The following CCDC66 variants were observed in gnomAD, a reference collection of about 807,000 sequenced individuals.
The protein encoded by CCDC66 is coiled-coil domain-containing protein 66.
Under a neutral mutation model 128.3 loss-of-function variants are expected in CCDC66, and 133 were observed. The observed-to-expected ratio is 1.04, with a 90% CI of 0.90 to 1.20. CCDC66 has a LOEUF of 1.20. Ranked by LOEUF, CCDC66 falls within the 50% of genes most tolerant of loss-of-function variation. The pLI is 0.00. For missense variants in CCDC66, 1,126 were observed against 1,075.5 expected (o/e 1.05, Z -0.66); for synonymous variants, 387 against 357.0 (o/e 1.08, Z -0.95).
chr3:56,557,394 G>C (rs74432117), intron 1 of CCDC66, 141 bp downstream of exon 1: 74,593 of 1,149,348 alleles, frequency 0.065, 3,124 homozygotes, highest in South Asian at 0.17. Context: ...GCAGAGCCCA[G>C]TTCTCGGGTA....
chr3:56,572,587 T>G, intron 7 of CCDC66: 1 of 247,920 alleles, frequency 4.0e-6, no homozygotes, highest in African/African-American at 2.3e-5. Context: ...CCTTCCTCCT[T>G]GTGAACATTT....
Position 56,615,204 on chromosome 3 carries a change from A to C in CCDC66, c.1643A>C (p.Gln548Pro). 4 of 1,614,190 alleles carry C rather than the reference A, an allele frequency of 2.5e-6. No homozygotes were observed. Among genetic ancestry groups the C allele is most frequent in the Non-Finnish European group, 3.4e-6 (4 of 1,180,006 alleles). The change falls in exon 12 of 18, where the codon CAA becomes CCA. Residue 548 changes from glutamine (Q) to proline (P), a missense_variant. Coordinates refer to ENST00000394672, the MANE Select transcript of CCDC66 (RefSeq NM_001141947.3). ...RAQELAQRLK[Q>P]EQRIRELAQK... Reference sequence around the variant, plus strand: ...CAGGAACTGGCACAGAGACTAAAACAAGAACAAAGAATCCGAGAATTGGCG... The same window carrying C: ...CAGGAACTGGCACAGAGACTAAAACCAGAACAAAGAATCCGAGAATTGGCG...
At chr3:56,586,153 G>A (rs1221381065) in intron 7 of CCDC66, among the ~76,000 whole-genome samples, 1 of 151,960 alleles carries the variant, frequency 6.6e-6, no homozygotes, top group African/African-American at 2.4e-5. Flanking sequence ...TGTGCAAAGT[G>A]TTTAGCTGTT....
intron 7 of CCDC66, chr3:56,572,258 T>G (rs2066736902): frequency 1.3e-6 from 1 of 798,354 alleles, no homozygotes; most frequent in Non-Finnish European, 1.8e-6. Flanking sequence ...CTTTTGTGAT[T>G]TTTAAATTTT....
chr3:56,570,184 C>G (rs935851568), intron 6 of CCDC66: 3 of 152,050 alleles, frequency 2.0e-5, no homozygotes, highest in Non-Finnish European at 4.4e-5. Flanking sequence ...TTTAACTTGT[C>G]TCAGTAAAGT....
rs2066521513 is a variant in CCDC66 at position 56,570,787 on chromosome 3, G to A, written c.815-394G>A. The A allele has an allele frequency of 3.6e-5, 2 of 55,224 alleles. 1 individual carries two copies. Among genetic ancestry groups the A allele is most frequent in the African/African-American group, 9.0e-5 (2 of 22,224 alleles). The allele number at this position is 55,224 out of a possible 1,614,324, so 3.4% of individuals were successfully genotyped here. On this transcript the variant is annotated intron_variant, in intron 6 of 17. Transcript: ENST00000394672. ...TTACCAGCAGTTTGCTAACAGTCAC[G>A]TAGCTGGGAAGTTGTTGAACTTGAA...
intron 3 of CCDC66, 159 bp from the exon 4 acceptor site, chr3:56,563,525 G>A: frequency 1.7e-6 from 1 of 574,262 alleles, no homozygotes; most frequent in Non-Finnish European, 3.0e-6. Flanking sequence ...AGTTGTTGAT[G>A]AAGATTTGCA....
intron 10 of CCDC66, among the ~76,000 whole-genome samples, chr3:56,604,873 T>A (rs927416822): frequency 2.0e-5 from 3 of 152,132 alleles, no homozygotes; most frequent in Non-Finnish European, 4.4e-5. Context: ...TTTTCCAACT[T>A]GGTTCCATTC....
chr3:56,615,269 G>GGTGGTAA lies in CCDC66; in HGVS notation c.1710_1711+5dup. 1 of 1,609,356 alleles carries GGTGGTAA rather than the reference G, an allele frequency of 6.2e-7. No homozygotes were observed. The highest frequency in any genetic ancestry group is 8.5e-7 in the Non-Finnish European group (1 of 1,177,970). On this transcript the variant is annotated frameshift_variant, in exon 12 of 18. Transcript: ENST00000394672. LOFTEE classifies it high-confidence loss of function. ...CACTTCTAGACTGATTAAAAATCTT[G>GGTGGTAA]GTGGTAAGGGCCTAACCAGAACTTT... is the stretch of plus-strand genomic sequence containing the variant.
Position 56,563,734 on chromosome 3 carries a change from G to T in CCDC66, c.153G>T (p.Gly51=). 3 of 1,551,422 alleles carry T rather than the reference G, an allele frequency of 1.9e-6. No homozygotes were observed. The highest frequency in any genetic ancestry group is 1.7e-6 in the Non-Finnish European group (2 of 1,146,904). Residue 51 remains glycine, a synonymous_variant, in exon 4 of 18, where the codon GGG becomes GGT. Transcript: ENST00000394672. ...AATGTCCTTTAAGAACAAAAACTGG[G>T]CACATTCTAAAATCAACACAAGATA... ...IAKCPLRTKT[G]HILKSTQDTC... is the part of the protein sequence containing the mutation.
At position 56,571,258 on chromosome 3, in the gene CCDC66, GATAAA is replaced by G. The variant is rs775134179; in HGVS notation, c.897_901del (p.Lys299AsnfsTer9). 5.2e-6 allele frequency: 8 copies of G among 1,546,846 alleles called. No individual in the cohort carries two copies. Among genetic ancestry groups the G allele is most frequent in the South Asian group, 1.2e-5 (1 of 84,616 alleles). On this transcript the variant is annotated frameshift_variant, in exon 7 of 18. Coordinates refer to ENST00000394672, the MANE Select transcript of CCDC66 (RefSeq NM_001141947.3). LOFTEE classifies it high-confidence loss of function. The stretch of plus-strand genomic sequence containing the variant: ...TGATCCTTGGAAAAAATCTGAAAGT[GATAAA>G]ATAATATGGGAAAAACATCAAATTC...
rs537270104 is a variant in CCDC66, at chr3:56,580,326, G to A, written c.936+9024G>A. Among the ~76,000 whole-genome samples, 6 of 151,316 alleles carry A rather than the reference G, an allele frequency of 4.0e-5. No individual in the cohort carries two copies. In the East Asian group the frequency reaches 6.1e-4, roughly 15 times the overall value. ...GTCTCTGCATGTGAGATGGGTCTCC[G>A]GAATACAGCACACTGATGGGTCTTG... is the stretch of plus-strand genomic sequence containing the variant. On this transcript the variant is annotated intron_variant, in intron 7 of 17. Coordinates refer to ENST00000394672, the MANE Select transcript of CCDC66 (RefSeq NM_001141947.3).
intron 7 of CCDC66, among the ~76,000 whole-genome samples, chr3:56,590,973 A>G (rs150437331): frequency 9.2e-5 from 14 of 152,312 alleles, no homozygotes; most frequent in Non-Finnish European, 2.1e-4. Context: ...GTTATACACA[A>G]ATATGCCTTA....
At chr3:56,569,258 A>G (rs562572173) in intron 6 of CCDC66, 7 of 222,572 alleles carry the variant, frequency 3.1e-5, no homozygotes, top group Admixed American at 1.2e-4. Flanking sequence ...TTGTGTTGCT[A>G]TAAAGGAATA....
At chr3:56,609,524 C>G (rs376785762) in intron 10 of CCDC66, among the ~76,000 whole-genome samples, 3 of 152,328 alleles carry the variant, frequency 2.0e-5, no homozygotes, top group African/African-American at 7.2e-5. Context: ...CTTATCCATT[C>G]TGCAGTTCTG....
intron 2 of CCDC66, 65 bp downstream of exon 2, chr3:56,558,975 T>G: frequency 1.7e-6 from 2 of 1,167,840 alleles, no homozygotes; most frequent in Non-Finnish European, 1.2e-6. Context: ...TTATATTAGT[T>G]CAACAGACTT....
At chr3:56,593,181 A>G in intron 8 of CCDC66, 80 bp downstream of exon 8, 1 of 1,170,844 alleles carries the variant, frequency 8.5e-7, no homozygotes, top group Non-Finnish European at 1.2e-6. Context: ...AGTATTCTGA[A>G]ACTCTTGACA....
At chr3:56,566,467 C>G in intron 4 of CCDC66, 127 bp from the exon 5 acceptor site, 1 of 593,806 alleles carries the variant, frequency 1.7e-6, no homozygotes, top group South Asian at 3.0e-5. Context: ...TAATGGCTAC[C>G]TCAAGGATTG....
At chr3:56,583,085 T>G (rs1408255171) in intron 7 of CCDC66, among the ~76,000 whole-genome samples, 1 of 151,420 alleles carries the variant, frequency 6.6e-6, no homozygotes, top group African/African-American at 2.4e-5. Flanking sequence ...CAGGCTGGTC[T>G]CAAACTCCTG....
Sources: allele counts gnomAD v4.1 joint callset (sites outside exome capture counted in the v4.1 genomes callset), GRCh38; gene constraint gnomAD v4.1.1; transcripts MANE v1.5; gene names NCBI Gene and HGNC (gene_info 2026-07-23, HGNC 2026-07-21).